WWOX: variants seen among roughly 807,000 people sequenced by gnomAD.
WWOX encodes WW domain-containing oxidoreductase.
WWOX carries 69 observed loss-of-function variants against 46.2 expected under a neutral mutation model. That is an observed-to-expected ratio of 1.49 (90% confidence interval 1.23 to 1.82). WWOX has a LOEUF of 1.82. WWOX is among the 40% of genes most tolerant of loss of function. The pLI, the probability that WWOX is intolerant of heterozygous loss-of-function variation, is 0.00. For synonymous variants in WWOX, 359 were observed against 202.6 expected, an observed-to-expected ratio of 1.77 and a Z score of -6.56; for missense variants, 919 against 542.6, an observed-to-expected ratio of 1.69 and a Z score of -6.89.
intron 8 of WWOX, among the ~76,000 whole-genome samples, chr16:78,528,564 T>A (rs929999420): frequency 1.3e-5 from 2 of 152,078 alleles, no homozygotes; most frequent in African/African-American, 2.4e-5. Context: ...AAGAGAATGT[T>A]TTTGCTTTGG....
chr16:78,656,724 G>T (rs1241399950), intron 8 of WWOX, among the ~76,000 whole-genome samples: 1 of 152,160 alleles, frequency 6.6e-6, no homozygotes, highest in Non-Finnish European at 1.5e-5. Flanking sequence ...GGCACCCACT[G>T]AGCACATCCT....
rs537580417 is a variant in WWOX, at chr16:78,819,413, C to G, written c.1056+386661C>G. On this transcript the variant is annotated intron_variant, in intron 8 of 8. Transcript: ENST00000566780. ...TCAGTTTACAATTTCCATGGCAACA[C>G]CTAGAAGTTACTGCCCCTTTCCATG... 2.4e-4 allele frequency among the ~76,000 whole-genome samples: 36 copies of G among 152,358 alleles called. 1 individual carries two copies. Among genetic ancestry groups the G allele is most frequent in the Non-Finnish European group, 3.2e-4 (22 of 68,032 alleles).
intron 8 of WWOX, among the ~76,000 whole-genome samples, chr16:78,919,724 C>T (rs917290422): frequency 6.6e-6 from 1 of 151,892 alleles, no homozygotes; most frequent in Non-Finnish European, 1.5e-5. Context: ...ACCATATTGG[C>T]CCAGCTGGTC....
intron 8 of WWOX, among the ~76,000 whole-genome samples, chr16:78,861,431 C>T (rs1363017494): frequency 6.6e-6 from 1 of 152,180 alleles, no homozygotes; most frequent in African/African-American, 2.4e-5. Flanking sequence ...TCCCATGAGT[C>T]TACCATCCAG....
chr16:78,320,103 A>C (rs1181413007), intron 5 of WWOX, among the ~76,000 whole-genome samples: 1 of 152,192 alleles, frequency 6.6e-6, no homozygotes, highest in African/African-American at 2.4e-5. Context: ...AAACTGCATG[A>C]GGGCAAAAAC....
At chr16:78,378,079 C>T (rs1378902921) in intron 5 of WWOX, among the ~76,000 whole-genome samples, 2 of 152,058 alleles carry the variant, frequency 1.3e-5, no homozygotes, top group Non-Finnish European at 2.9e-5. Flanking sequence ...ATGGCAAACT[C>T]AGCCTCTGTT....
chr16:79,044,572 T>C (rs1354852200), intron 8 of WWOX, among the ~76,000 whole-genome samples: 1 of 152,240 alleles, frequency 6.6e-6, no homozygotes, highest in Non-Finnish European at 1.5e-5. Flanking sequence ...TTCTTGAGAC[T>C]TCCCCCAGAA....
chr16:78,992,159 AAAG>A (rs2046900369), intron 8 of WWOX, among the ~76,000 whole-genome samples: 2 of 152,358 alleles, frequency 1.3e-5, no homozygotes, highest in South Asian at 4.1e-4. Flanking sequence ...ATTCACAGGT[AAAG>A]AAGCCTGCTT....
chr16:78,430,668 T>A (rs2083196032), intron 7 of WWOX, among the ~76,000 whole-genome samples: 1 of 152,132 alleles, frequency 6.6e-6, no homozygotes, highest in Admixed American at 6.5e-5. Context: ...ACTCTTCCTG[T>A]GGTTTGGGTA....
At chr16:78,544,143 C>T (rs1032833115) in intron 8 of WWOX, among the ~76,000 whole-genome samples, 3 of 152,128 alleles carry the variant, frequency 2.0e-5, no homozygotes, top group South Asian at 2.1e-4. Flanking sequence ...CAAGATCTAG[C>T]ATAATCTCTT....
intron 5 of WWOX, among the ~76,000 whole-genome samples, chr16:78,326,790 A>T (rs948734730): frequency 1.3e-5 from 2 of 149,214 alleles, no homozygotes; most frequent in African/African-American, 2.4e-5. Context: ...TAAAATGCAG[A>T]TATAACTTTA....
At chr16:78,543,158 G>A (rs992486707) in intron 8 of WWOX, among the ~76,000 whole-genome samples, 3 of 152,312 alleles carry the variant, frequency 2.0e-5, no homozygotes, top group African/African-American at 2.4e-5. Context: ...GACTTATAGA[G>A]TCTGTGATCT....
At chr16:78,265,728 C>T (rs1325717773) in intron 5 of WWOX, among the ~76,000 whole-genome samples, 2 of 149,682 alleles carry the variant, frequency 1.3e-5, no homozygotes, top group East Asian at 3.9e-4. Flanking sequence ...TTTGTCAGCT[C>T]CATGAGGGCA....
chr16:78,867,361 A>T (rs61000495), intron 8 of WWOX, among the ~76,000 whole-genome samples: 5,747 of 152,180 alleles, frequency 0.038, 374 homozygotes, highest in African/African-American at 0.13. Context: ...TCCAGAAATA[A>T]ATGGGAACTT....
intron 8 of WWOX, among the ~76,000 whole-genome samples, chr16:79,091,097 T>C (rs1035025698): frequency 1.3e-5 from 2 of 152,182 alleles, no homozygotes; most frequent in African/African-American, 4.8e-5. Flanking sequence ...CTAGAAAGAC[T>C]GGATTTTACC....
In WWOX at chr16:78,585,140, C is replaced by T. The variant is rs535832696; in HGVS notation, c.1056+152388C>T. ...CCATGTCCGTGTGAACTAAATTCAG[C>T]GTCAGATGTACAAGGCTGTGGTTCT... On this transcript the variant is annotated intron_variant, in intron 8 of 8. Transcript: ENST00000566780. Among the ~76,000 whole-genome samples, 30 of 152,332 alleles carry T rather than the reference C, an allele frequency of 2.0e-4. No individual in the cohort carries two copies. The East Asian group carries it at 2.3e-3, about 12-fold the overall frequency.
At chr16:78,146,790 A>T (rs903360797) in intron 4 of WWOX, among the ~76,000 whole-genome samples, 1 of 152,224 alleles carries the variant, frequency 6.6e-6, no homozygotes, top group Non-Finnish European at 1.5e-5. Flanking sequence ...TGTTATAACC[A>T]AAAAGGTCAA....
At chr16:78,940,671 T>TA (rs2045833821) in intron 8 of WWOX, among the ~76,000 whole-genome samples, 1 of 105,288 alleles carries the variant, frequency 9.5e-6, no homozygotes, top group African/African-American at 4.2e-5. Flanking sequence ...TTTCTTAGGT[T>TA]AACTTTTTTT....
intron 1 of WWOX, among the ~76,000 whole-genome samples, chr16:78,107,457 GTACAA>G (rs2032220179): frequency 6.6e-6 from 1 of 152,180 alleles, no homozygotes; most frequent in Admixed American, 6.5e-5. Context: ...AACCCTGGAT[GTACAA>G]TATTCTTATA....
Sources: allele counts gnomAD v4.1 joint callset (sites outside exome capture counted in the v4.1 genomes callset), GRCh38; gene constraint gnomAD v4.1.1; transcripts MANE v1.5; gene names NCBI Gene and HGNC (gene_info 2026-07-23, HGNC 2026-07-21).